Variants in DIP2C observed in about 807,000 individuals in gnomAD.
The protein encoded by DIP2C is disco-interacting protein 2 homolog C.
DIP2C carries 33 observed loss-of-function variants against 192.4 expected under a neutral mutation model. The observed-to-expected ratio is 0.17, with a 90% CI of 0.13 to 0.23. The LOEUF (loss-of-function observed/expected upper bound fraction) is 0.23, where lower values mean the gene tolerates loss of function less well. Ranked by LOEUF, DIP2C falls within the 10% of genes least tolerant of loss-of-function variation. The pLI, the probability that DIP2C is intolerant of heterozygous loss-of-function variation, is 1.00. For missense variants in DIP2C, 1,537 were observed against 2,110.1 expected, an observed-to-expected ratio of 0.73 and a Z score of 5.32; for synonymous variants, 979 against 864.1, an observed-to-expected ratio of 1.13 and a Z score of -2.33.
intron 30 of DIP2C, among the ~76,000 whole-genome samples, chr10:328,669 C>G (rs1472417077): frequency 6.6e-6 from 1 of 152,168 alleles, no homozygotes; most frequent in East Asian, 1.9e-4. Context: ...CCTGTCCAAG[C>G]TTTATGCATT....
chr10:545,017 T>C (rs1007980090), intron 1 of DIP2C, among the ~76,000 whole-genome samples: 15 of 152,212 alleles, frequency 9.9e-5, no homozygotes, highest in African/African-American at 3.6e-4. Context: ...CCCCTAAGGG[T>C]GTAATGAGCT....
At chr10:546,721 CACACGATTTTGTAACTGGTTAGAAA>C (rs1296226137) in intron 1 of DIP2C, among the ~76,000 whole-genome samples, 1 of 152,116 alleles carries the variant, frequency 6.6e-6, no homozygotes, top group Admixed American at 6.5e-5. Flanking sequence ...CTTTTACCAG[CACACGATTTTGTAACTGGTTAGAAA>C]ACACTGGTTC....
intron 7 of DIP2C, among the ~76,000 whole-genome samples, chr10:414,739 G>GTGTGTATATATATGTATATATATATA: frequency 1.1e-5 from 1 of 90,538 alleles, no homozygotes; most frequent in South Asian, 4.0e-4. Flanking sequence ...GTGTGTGTGT[G>GTGTGTATATATATGTATATATATATA]TACATATATA....
At chr10:562,380 A>G (rs1457913055) in intron 1 of DIP2C, among the ~76,000 whole-genome samples, 1 of 152,256 alleles carries the variant, frequency 6.6e-6, no homozygotes, top group Non-Finnish European at 1.5e-5. Flanking sequence ...ATGAATCACT[A>G]TTTCAAGGAG....
intron 4 of DIP2C, among the ~76,000 whole-genome samples, chr10:433,395 T>C (rs1044603774): frequency 1.3e-5 from 2 of 152,282 alleles, no homozygotes; most frequent in Non-Finnish European, 2.9e-5. Flanking sequence ...AAAATTAGTG[T>C]TGGCTGGGCA....
intron 24 of DIP2C, among the ~76,000 whole-genome samples, chr10:350,905 CAG>C (rs1958770298): frequency 6.6e-6 from 1 of 152,284 alleles, no homozygotes; most frequent in South Asian, 2.1e-4. Context: ...CTTGGCCTCC[CAG>C]AGTGCTGGGA....
chr10:683,702 G>A (rs750141667), intron 1 of DIP2C, among the ~76,000 whole-genome samples: 4 of 152,168 alleles, frequency 2.6e-5, no homozygotes, highest in Non-Finnish European at 4.4e-5. Flanking sequence ...GCTTAATAAT[G>A]GGACTGACGG....
intron 1 of DIP2C, among the ~76,000 whole-genome samples, chr10:580,201 CACAT>C (rs770876338): frequency 2.6e-4 from 39 of 151,024 alleles, no homozygotes; most frequent in South Asian, 6.3e-4. Flanking sequence ...TATACATATG[CACAT>C]ATATATAATG....
chr10:469,377 T>C (rs563881282), intron 3 of DIP2C, among the ~76,000 whole-genome samples: 1 of 149,562 alleles, frequency 6.7e-6, no homozygotes, highest in Non-Finnish European at 1.5e-5. Context: ...AGTGCAGTGG[T>C]ATGATCTCAG....
chr10:279,244 A>G (rs959738872), intron 36 of DIP2C, among the ~76,000 whole-genome samples: 6 of 152,162 alleles, frequency 3.9e-5, no homozygotes, highest in African/African-American at 1.4e-4. Context: ...GTTGCTCTAC[A>G]TGGCCCATGT....
At chr10:347,439 ACG>A in intron 26 of DIP2C, among the ~76,000 whole-genome samples, 1 of 145,428 alleles carries the variant, frequency 6.9e-6, no homozygotes. Context: ...GAAACGTCAC[ACG>A]CACCCAGACA....
At chr10:350,846 C>G (rs1248044588) in intron 24 of DIP2C, among the ~76,000 whole-genome samples, 5 of 152,106 alleles carry the variant, frequency 3.3e-5, no homozygotes. Context: ...GGGGGTTTCA[C>G]TATGTTGGCC....
intron 1 of DIP2C, among the ~76,000 whole-genome samples, chr10:685,140 A>C: frequency 1.2e-4 from 5 of 40,032 alleles, no homozygotes; most frequent in African/African-American, 6.1e-4. Flanking sequence ...GTCCCCAAAA[A>C]AAAAAAAAAA....
At chr10:649,621 T>TA (rs1461110785) in intron 1 of DIP2C, among the ~76,000 whole-genome samples, 1 of 152,384 alleles carries the variant, frequency 6.6e-6, no homozygotes, top group East Asian at 1.9e-4. Context: ...TTTGTCACGT[T>TA]ACAGCAAATG....
At chr10:351,967 G>A (rs1035750513) in intron 24 of DIP2C, among the ~76,000 whole-genome samples, 1 of 152,184 alleles carries the variant, frequency 6.6e-6, no homozygotes, top group African/African-American at 2.4e-5. Context: ...ACCACCCATC[G>A]CTGTGAGCAT....
intron 32 of DIP2C, among the ~76,000 whole-genome samples, chr10:302,862 T>A (rs939319631): frequency 1.3e-5 from 2 of 152,092 alleles, no homozygotes; most frequent in Non-Finnish European, 2.9e-5. Context: ...TCTGGGTGAG[T>A]GGTAAGTTCA....
intron 1 of DIP2C, among the ~76,000 whole-genome samples, chr10:534,344 G>T (rs1205080904): frequency 6.6e-6 from 1 of 152,230 alleles, no homozygotes; most frequent in Non-Finnish European, 1.5e-5. Flanking sequence ...GAGCCAGATG[G>T]TCAGGAGTTG....
chr10:667,773 TACAACAC>T (rs1333609029), intron 1 of DIP2C: 1 of 151,300 alleles, frequency 6.6e-6, no homozygotes, highest in African/African-American at 2.4e-5. Context: ...AACATGCACA[TACAACAC>T]ACAACACTCA....
intron 1 of DIP2C, among the ~76,000 whole-genome samples, chr10:502,720 CTATT>C (rs1163578051): frequency 6.6e-6 from 1 of 152,148 alleles, no homozygotes; most frequent in African/African-American, 2.4e-5. Flanking sequence ...AAAAACAACA[CTATT>C]TACAGTAGCT....
Sources: allele counts gnomAD v4.1 joint callset (sites outside exome capture counted in the v4.1 genomes callset), GRCh38; gene constraint gnomAD v4.1.1; transcripts MANE v1.5; gene names NCBI Gene and HGNC (gene_info 2026-07-23, HGNC 2026-07-21).